The following METTL6 variants were observed in gnomAD, a reference collection of about 807,000 sequenced individuals.
METTL6 encodes the protein methyltransferase 6, tRNA N3-cytidine.
A neutral mutation model predicts 26.4 loss-of-function variants in METTL6; 22 were observed. That is an observed-to-expected ratio of 0.83 (90% CI 0.59 to 1.19). The LOEUF (loss-of-function observed/expected upper bound fraction) is 1.19. Ranked by LOEUF, METTL6 falls within the 50% of genes most tolerant of loss-of-function variation. The probability of loss-of-function intolerance (pLI) is 0.00; values close to 1 mark genes in which losing one functional copy is unlikely to be tolerated. For missense variants in METTL6, 304 were observed against 324.8 expected (o/e 0.94, Z 0.49); for synonymous variants, 109 against 116.2 (o/e 0.94, Z 0.40).
At chr3:15,400,975 A>T (rs1473175373) in intron 6 of METTL6, among the ~76,000 whole-genome samples, 1 of 151,648 alleles carries the variant, frequency 6.6e-6, no homozygotes, top group Non-Finnish European at 1.5e-5. Context: ...TGATCCTCCC[A>T]CCTCAGCTTC....
intron 3 of METTL6, among the ~76,000 whole-genome samples, chr3:15,422,005 A>G (rs554879340): frequency 6.6e-6 from 1 of 152,270 alleles, no homozygotes; most frequent in East Asian, 1.9e-4. Context: ...TCAAAAGTCT[A>G]ATGTGGCTGA....
At chr3:15,400,507 G>A (rs1025891408) in intron 6 of METTL6, among the ~76,000 whole-genome samples, 4 of 152,098 alleles carry the variant, frequency 2.6e-5, no homozygotes, top group Non-Finnish European at 4.4e-5. Flanking sequence ...ACAGAAAAAA[G>A]AAAATATCCT....
intron 3 of METTL6, among the ~76,000 whole-genome samples, chr3:15,422,500 G>A (rs1024519406): frequency 2.0e-5 from 3 of 151,808 alleles, no homozygotes; most frequent in South Asian, 2.1e-4. Context: ...TAGTATGTGC[G>A]TGTAGACCCA....
chr3:15,388,336 C>G (rs1306832564), intron 6 of METTL6, among the ~76,000 whole-genome samples: 1 of 152,122 alleles, frequency 6.6e-6, no homozygotes, highest in African/African-American at 2.4e-5. Context: ...GTCTCAAACT[C>G]CTGGCCTCAA....
In METTL6 at chr3:15,426,623, A is replaced by T; in HGVS notation, c.-112T>A. On this transcript the variant is annotated 5_prime_UTR_variant, in exon 2 of 6. Transcript: ENST00000383790. ...TCCTGAGGTGAGTTTCACGCCTCAAACAGCACAGGGGGCTTCGCAGAGAAA... is the reference window on the plus strand; with the variant it reads ...TCCTGAGGTGAGTTTCACGCCTCAATCAGCACAGGGGGCTTCGCAGAGAAA... 1.0e-6 allele frequency: 1 copy of T among 958,010 alleles called. No homozygotes were observed. Among genetic ancestry groups the T allele is most frequent in the Middle Eastern group, 2.2e-4 (1 of 4,450 alleles). 59.3% of individuals were successfully genotyped at this position (958,010 alleles called of 1,614,324 possible).
chr3:15,398,947 CA>C (rs1462027861), intron 6 of METTL6, among the ~76,000 whole-genome samples: 6 of 152,110 alleles, frequency 3.9e-5, no homozygotes, highest in Non-Finnish European at 8.8e-5. Context: ...GTACAGGTCA[CA>C]AAGACCTTGC....
At chr3:15,387,371 G>C in intron 6 of METTL6, among the ~76,000 whole-genome samples, 1 of 152,154 alleles carries the variant, frequency 6.6e-6, no homozygotes. Context: ...TGTTTTATCA[G>C]TAAGGTCTTT....
At chr3:15,391,551 G>A (rs1007614133) in intron 6 of METTL6, among the ~76,000 whole-genome samples, 17 of 151,964 alleles carry the variant, frequency 1.1e-4, no homozygotes, top group African/African-American at 4.1e-4. Flanking sequence ...AAAACGTGCA[G>A]GTTTATTACA....
At chr3:15,399,118 T>C (rs1699567686) in intron 6 of METTL6, among the ~76,000 whole-genome samples, 1 of 152,096 alleles carries the variant, frequency 6.6e-6, no homozygotes. Context: ...ACAAATGCCA[T>C]GGCAATGTTA....
intron 6 of METTL6, among the ~76,000 whole-genome samples, chr3:15,386,798 T>C (rs915656821): frequency 6.6e-6 from 1 of 151,426 alleles, no homozygotes; most frequent in African/African-American, 2.4e-5. Context: ...TGTTTCCTTT[T>C]CTTTTTTTTT....
intron 4 of METTL6, among the ~76,000 whole-genome samples, chr3:15,415,075 A>G: frequency 6.6e-6 from 1 of 151,272 alleles, no homozygotes; most frequent in East Asian, 1.9e-4. Context: ...AAAAACCAGA[A>G]TGTCGTTTTG....
chr3:15,427,149 C>A (rs538030553), intron 1 of METTL6, among the ~76,000 whole-genome samples: 1 of 152,332 alleles, frequency 6.6e-6, no homozygotes, highest in African/African-American at 2.4e-5. Flanking sequence ...GAGGGAGCGT[C>A]ACTTTGCAGG....
At chr3:15,396,047 G>T (rs1422962023) in intron 6 of METTL6, among the ~76,000 whole-genome samples, 2 of 152,112 alleles carry the variant, frequency 1.3e-5, no homozygotes, top group African/African-American at 2.4e-5. Context: ...GGCCTGCCTT[G>T]CTAGATTGGG....
At chr3:15,415,390 C>T in intron 4 of METTL6, 2 of 1,109,642 alleles carry the variant, frequency 1.8e-6, no homozygotes, top group Non-Finnish European at 2.6e-6. Flanking sequence ...CTCCTGACCT[C>T]AAGTGATTCA....
chr3:15,406,380 A>G (rs1183321495), downstream of METTL6, among the ~76,000 whole-genome samples: 2 of 151,594 alleles, frequency 1.3e-5, no homozygotes, highest in Non-Finnish European at 2.9e-5. Context: ...AAGAACCTAG[A>G]GGCAATGAGA....
At position 15,410,978 on chromosome 3, in the gene METTL6, C is replaced by T. The variant is rs1280476649; in HGVS notation, c.*278G>A. On this transcript the variant is annotated 3_prime_UTR_variant, in exon 6 of 6. Coordinates refer to ENST00000383790, the MANE Select transcript of METTL6 (RefSeq NM_152396.4). ...CATGATCTTGGCTCACTGCAGTCTC[C>T]GCCTCTTGGGTTCAAGCGATTCTCT... The T allele has an allele frequency of 1.3e-5, 4 of 305,342 alleles. No individual in the cohort carries two copies. Among genetic ancestry groups the T allele is most frequent in the East Asian group, 1.5e-4 (2 of 13,766 alleles). 18.9% of individuals were successfully genotyped at this position (305,342 alleles called of 1,614,324 possible).
intron 4 of METTL6, 57 bp from the exon 5 acceptor site, chr3:15,414,219 T>C: frequency 6.4e-7 from 1 of 1,562,478 alleles, no homozygotes; most frequent in Non-Finnish European, 8.6e-7. Context: ...AAATAAAACC[T>C]GATTAAGTTA....
chr3:15,412,618 G>A (rs1452585683), intron 5 of METTL6, among the ~76,000 whole-genome samples: 1 of 151,766 alleles, frequency 6.6e-6, no homozygotes, highest in Non-Finnish European at 1.5e-5. Context: ...CTAAGCAGCA[G>A]GACCACAAGT....
At chr3:15,406,455 A>C (rs1699786407), downstream of METTL6, among the ~76,000 whole-genome samples, 1 of 151,618 alleles carries the variant, frequency 6.6e-6, no homozygotes, top group Non-Finnish European at 1.5e-5. Context: ...TCATAGTTAA[A>C]ATACTGATGG....
Sources: allele counts gnomAD v4.1 joint callset (sites outside exome capture counted in the v4.1 genomes callset), GRCh38; gene constraint gnomAD v4.1.1; transcripts MANE v1.5; gene names NCBI Gene and HGNC (gene_info 2026-07-23, HGNC 2026-07-21).